NCK2: variants seen among roughly 807,000 people sequenced by gnomAD.
The protein encoded by NCK2 is NCK adaptor protein 2.
Under a neutral mutation model 33.9 loss-of-function variants are expected in NCK2, and 16 were observed. The ratio of observed to expected loss-of-function variants is 0.47; its 90% CI spans 0.32 to 0.72. The LOEUF (loss-of-function observed/expected upper bound fraction) is 0.72, where lower values mean the gene tolerates loss of function less well. NCK2 is among the 30% of genes least tolerant of loss of function. NCK2 has a pLI of 0.03. For missense variants in NCK2, 418 were observed against 537.3 expected (o/e 0.78, Z 2.19); for synonymous variants, 273 against 239.9 (o/e 1.14, Z -1.27).
chr2:105,821,365 A>G (rs988608133), intron 2 of NCK2, among the ~76,000 whole-genome samples: 1 of 152,176 alleles, frequency 6.6e-6, no homozygotes, highest in Non-Finnish European at 1.5e-5. Flanking sequence ...GATACCTGGA[A>G]GTAACTTGTG....
chr2:105,828,311 C>T (rs1676032704), intron 2 of NCK2, among the ~76,000 whole-genome samples: 1 of 152,096 alleles, frequency 6.6e-6, no homozygotes, highest in South Asian at 2.1e-4. Context: ...TCCCTGTTCC[C>T]TGCTTTGGAA....
At position 105,808,642 on chromosome 2, in the gene NCK2, C is replaced by T. The variant is rs117046125; in HGVS notation, c.-200-7788C>T. 2.5e-3 allele frequency among the ~76,000 whole-genome samples: 378 copies of T among 152,222 alleles called. 13 individuals carry two copies. The East Asian group carries it at 0.067, about 27-fold the overall frequency. ...TGCCACGTGACTGCAGGGTGGATCACCCAGCGTCTTCAGTGCATTGTCATT... is the reference window on the plus strand; with the variant it reads ...TGCCACGTGACTGCAGGGTGGATCATCCAGCGTCTTCAGTGCATTGTCATT... On this transcript the variant is annotated intron_variant, in intron 1 of 4. Transcript: ENST00000233154.
At chr2:105,784,892 A>G (rs1690622156) in intron 1 of NCK2, among the ~76,000 whole-genome samples, 1 of 152,230 alleles carries the variant, frequency 6.6e-6, no homozygotes. Context: ...GCATGCACTT[A>G]GGCAGCCTCC....
intron 2 of NCK2, among the ~76,000 whole-genome samples, chr2:105,821,715 G>T (rs1270001676): frequency 2.0e-5 from 3 of 151,948 alleles, no homozygotes; most frequent in African/African-American, 7.2e-5. Context: ...ATTATCTCTA[G>T]TCGCAAATGC....
intron 1 of NCK2, among the ~76,000 whole-genome samples, chr2:105,753,016 C>T (rs980693259): frequency 2.0e-5 from 3 of 152,166 alleles, no homozygotes; most frequent in East Asian, 1.9e-4. Context: ...GTATCTTCAT[C>T]GCTAAGGAAA....
chr2:105,778,265 T>C (rs926071216), intron 1 of NCK2, among the ~76,000 whole-genome samples: 1 of 152,154 alleles, frequency 6.6e-6, no homozygotes, highest in Admixed American at 6.5e-5. Flanking sequence ...TCCCAGCACA[T>C]GTGGTAGTGA....
chr2:105,891,532 A>ATTTTTTTTT (rs757598660), intron 4 of NCK2, among the ~76,000 whole-genome samples: 2 of 81,332 alleles, frequency 2.5e-5, no homozygotes, highest in Non-Finnish European at 4.4e-5. Flanking sequence ...TAAAAGACCA[A>ATTTTTTTTT]TTTTTTTTTT....
chr2:105,765,925 C>T (rs1217629703), intron 1 of NCK2, among the ~76,000 whole-genome samples: 1 of 151,832 alleles, frequency 6.6e-6, no homozygotes, highest in Non-Finnish European at 1.5e-5. Context: ...CCCACAGAGA[C>T]AATAAATATG....
At chr2:105,870,752 A>G (rs1221102041) in intron 3 of NCK2, among the ~76,000 whole-genome samples, 1 of 135,120 alleles carries the variant, frequency 7.4e-6, no homozygotes, top group Non-Finnish European at 1.7e-5. Context: ...CCCTGTCTCA[A>G]AAAAGAAAGA....
chr2:105,782,163 A>C (rs1690519942), intron 1 of NCK2, among the ~76,000 whole-genome samples: 1 of 152,068 alleles, frequency 6.6e-6, no homozygotes, highest in African/African-American at 2.4e-5. Context: ...ATCACCGATC[A>C]TCTCTTTCCC....
chr2:105,868,881 T>A (rs559405736), intron 3 of NCK2, among the ~76,000 whole-genome samples: 26 of 152,336 alleles, frequency 1.7e-4, no homozygotes, highest in African/African-American at 6.3e-4. Context: ...TGGCCAGGGC[T>A]ATGAGTCTGC....
chr2:105,872,474 T>C (rs1678055799), intron 3 of NCK2, among the ~76,000 whole-genome samples: 1 of 151,912 alleles, frequency 6.6e-6, no homozygotes, highest in Non-Finnish European at 1.5e-5. Flanking sequence ...CTCAGGGAGG[T>C]CCTCCCTGAC....
intron 2 of NCK2, among the ~76,000 whole-genome samples, chr2:105,833,754 T>A (rs1486515691): frequency 6.6e-6 from 1 of 152,124 alleles, no homozygotes; most frequent in East Asian, 1.9e-4. Context: ...TTTTCTAGCA[T>A]CTTGATCTTT....
intron 2 of NCK2, among the ~76,000 whole-genome samples, chr2:105,828,187 G>C (rs778180056): frequency 6.6e-6 from 1 of 152,184 alleles, no homozygotes; most frequent in Non-Finnish European, 1.5e-5. Flanking sequence ...AAGTGTGCAA[G>C]CTTACATAGC....
chr2:105,822,862 G>A lies in NCK2; in HGVS notation c.-17+6249G>A, dbSNP rs914062088. Among the ~76,000 whole-genome samples the A allele has an allele frequency of 1.6e-4, 25 of 152,166 alleles. 3 individuals are homozygous for A. Among genetic ancestry groups the A allele is most frequent in the African/African-American group, 6.0e-4 (25 of 41,416 alleles). Reference sequence around the variant, plus strand: ...AATTGTATAGCAGAAAATGAGCCCAGAGAGGTTACTTTCCTTGCCTAGTAC... The same window carrying A: ...AATTGTATAGCAGAAAATGAGCCCAAAGAGGTTACTTTCCTTGCCTAGTAC... On this transcript the variant is annotated intron_variant, in intron 2 of 4. Coordinates refer to ENST00000233154, the MANE Select transcript of NCK2 (RefSeq NM_003581.5).
intron 1 of NCK2, among the ~76,000 whole-genome samples, chr2:105,788,833 A>C (rs890855016): frequency 6.6e-6 from 1 of 152,168 alleles, no homozygotes; most frequent in Non-Finnish European, 1.5e-5. Context: ...AACAAAAGCT[A>C]TCTGTGTTAA....
At chr2:105,891,547 T>A (rs1461225769) in intron 4 of NCK2, among the ~76,000 whole-genome samples, 1 of 8,218 alleles carries the variant, frequency 1.2e-4, no homozygotes, top group African/African-American at 7.1e-4. Flanking sequence ...TTTTTTTTTT[T>A]TTTTTTTTTT....
chr2:105,823,708 C>T (rs1007526914), intron 2 of NCK2, among the ~76,000 whole-genome samples: 2 of 151,950 alleles, frequency 1.3e-5, no homozygotes, highest in African/African-American at 2.4e-5. Context: ...CTGTAAGGTC[C>T]GTGGCCATGG....
At chr2:105,810,415 C>A (rs1675247453) in intron 1 of NCK2, among the ~76,000 whole-genome samples, 1 of 152,198 alleles carries the variant, frequency 6.6e-6, no homozygotes, top group Non-Finnish European at 1.5e-5. Flanking sequence ...ACTCCTCACT[C>A]TTCCCTCCCT....
Sources: allele counts gnomAD v4.1 joint callset (sites outside exome capture counted in the v4.1 genomes callset), GRCh38; gene constraint gnomAD v4.1.1; transcripts MANE v1.5; gene names NCBI Gene and HGNC (gene_info 2026-07-23, HGNC 2026-07-21).